Variants in NEGR1 observed in about 807,000 individuals in gnomAD.
NEGR1 encodes the protein IgLON family member 4.
NEGR1 carries 10 observed loss-of-function variants against 40.9 expected under a neutral mutation model. The observed-to-expected ratio is 0.24, with a 90% CI of 0.15 to 0.42. The LOEUF (loss-of-function observed/expected upper bound fraction) is 0.42, where lower values mean the gene tolerates loss of function less well. Ranked by LOEUF, NEGR1 falls within the 10% of genes least tolerant of loss-of-function variation. NEGR1 has a pLI of 1.00. For missense variants in NEGR1, 352 were observed against 438.9 expected (o/e 0.80, Z 1.77); for synonymous variants, 185 against 166.8 (o/e 1.11, Z -0.84).
chr1:72,262,824 T>A (rs551600334), intron 1 of NEGR1, among the ~76,000 whole-genome samples: 1 of 152,084 alleles, frequency 6.6e-6, no homozygotes, highest in Non-Finnish European at 1.5e-5. Flanking sequence ...GAAGATCATG[T>A]TGGTCAGTTA....
At chr1:72,150,723 T>C (rs186169034) in intron 1 of NEGR1, among the ~76,000 whole-genome samples, 70 of 152,290 alleles carry the variant, frequency 4.6e-4, no homozygotes, top group African/African-American at 1.6e-3. Context: ...TGCTGGTGAA[T>C]TTTAGGTTTT....
At chr1:72,238,774 T>C (rs1654642405) in intron 1 of NEGR1, among the ~76,000 whole-genome samples, 1 of 151,886 alleles carries the variant, frequency 6.6e-6, no homozygotes, top group Non-Finnish European at 1.5e-5. Flanking sequence ...TTCATGCTAG[T>C]GCAGTTCAGA....
At chr1:71,730,877 CGTGT>C (rs59873481) in intron 3 of NEGR1, among the ~76,000 whole-genome samples, 9,389 of 129,880 alleles carry the variant, frequency 0.072, 301 homozygotes, top group Middle Eastern at 0.11. Flanking sequence ...GTGAAGCATT[CGTGT>C]GTGTGTGTGT....
At chr1:72,130,308 C>T (rs1006504098) in intron 1 of NEGR1, among the ~76,000 whole-genome samples, 5 of 152,180 alleles carry the variant, frequency 3.3e-5, no homozygotes, top group African/African-American at 1.2e-4. Flanking sequence ...GCCCGAAACA[C>T]TGAAATATCA....
intron 1 of NEGR1, among the ~76,000 whole-genome samples, chr1:71,941,654 G>T (rs1054595258): frequency 1.3e-5 from 2 of 152,130 alleles, no homozygotes; most frequent in Non-Finnish European, 2.9e-5. Context: ...GAGATGATAA[G>T]AATTGTATTT....
At chr1:71,825,876 T>C (rs553505549) in intron 2 of NEGR1, among the ~76,000 whole-genome samples, 1 of 152,102 alleles carries the variant, frequency 6.6e-6, no homozygotes, top group South Asian at 2.1e-4. Context: ...TATTGTGACA[T>C]GTATCCCTTT....
At chr1:71,937,076 G>C (rs1645912833) in intron 1 of NEGR1, among the ~76,000 whole-genome samples, 1 of 152,134 alleles carries the variant, frequency 6.6e-6, no homozygotes, top group African/African-American at 2.4e-5. Flanking sequence ...GCAACAGGGT[G>C]GGCTGCTGTC....
At chr1:71,519,755 AC>A (rs201836876) in intron 6 of NEGR1, among the ~76,000 whole-genome samples, 5,400 of 150,212 alleles carry the variant, frequency 0.036, 290 homozygotes, top group African/African-American at 0.12. Flanking sequence ...TTAAAAAAAA[AC>A]AAAAAAAGAT....
intron 3 of NEGR1, among the ~76,000 whole-genome samples, chr1:71,762,429 G>A (rs901517276): frequency 2.0e-5 from 3 of 152,074 alleles, no homozygotes; most frequent in African/African-American, 7.2e-5. Context: ...CTGTCTGCAA[G>A]AGACTCACTT....
chr1:71,717,391 C>T (rs1654312350), intron 3 of NEGR1, among the ~76,000 whole-genome samples: 1 of 151,994 alleles, frequency 6.6e-6, no homozygotes, highest in Admixed American at 6.6e-5. Context: ...TTCTTTTGTT[C>T]TTAGTATTAC....
At chr1:72,245,362 A>G (rs754279578) in intron 1 of NEGR1, among the ~76,000 whole-genome samples, 1 of 152,110 alleles carries the variant, frequency 6.6e-6, no homozygotes, top group Non-Finnish European at 1.5e-5. Flanking sequence ...CAAAAGATTT[A>G]TAATACTATT....
intron 5 of NEGR1, among the ~76,000 whole-genome samples, chr1:71,593,939 T>C (rs1282703012): frequency 6.6e-6 from 1 of 152,220 alleles, no homozygotes. Flanking sequence ...TATATACAAG[T>C]CTTTTCAAAG....
rs1648047780 is a variant in NEGR1, at chr1:71,550,695, A to C, written c.940+42122T>G. On this transcript the variant is annotated intron_variant, in intron 6 of 6. Coordinates refer to ENST00000357731, the MANE Select transcript of NEGR1 (RefSeq NM_173808.3). ...CTGAGAGTTCCCTCCTAACATCCAC[A>C]TTCTGTTCCTTATCTAAATCACTTA... 1.3e-5 allele frequency among the ~76,000 whole-genome samples: 2 copies of C among 151,570 alleles called. 1 individual carries two copies. The highest frequency in any genetic ancestry group is 4.1e-4 in the South Asian group (2 of 4,824).
At chr1:72,129,381 G>C (rs957010198) in intron 1 of NEGR1, among the ~76,000 whole-genome samples, 4 of 151,952 alleles carry the variant, frequency 2.6e-5, no homozygotes, top group African/African-American at 7.3e-5. Flanking sequence ...ATATAACCTA[G>C]AGCAAAATAA....
At chr1:72,051,329 T>C (rs1394683420) in intron 1 of NEGR1, among the ~76,000 whole-genome samples, 1 of 151,466 alleles carries the variant, frequency 6.6e-6, no homozygotes, top group Non-Finnish European at 1.5e-5. Context: ...GAATCTGGAT[T>C]TCTCCAATAT....
At chr1:72,258,744 A>C in intron 1 of NEGR1, among the ~76,000 whole-genome samples, 1 of 152,162 alleles carries the variant, frequency 6.6e-6, no homozygotes. Context: ...ATTGAAAACT[A>C]ATCTATTTAT....
At chr1:72,119,242 C>A (rs986246626) in intron 1 of NEGR1, among the ~76,000 whole-genome samples, 1 of 151,770 alleles carries the variant, frequency 6.6e-6, no homozygotes, top group Non-Finnish European at 1.5e-5. Flanking sequence ...AATTCATATG[C>A]TAATAGTTGA....
At chr1:72,029,733 T>C (rs1646841331) in intron 1 of NEGR1, among the ~76,000 whole-genome samples, 1 of 152,204 alleles carries the variant, frequency 6.6e-6, no homozygotes, top group African/African-American at 2.4e-5. Context: ...AGAGTAATTC[T>C]AAGGGTAAAT....
intron 1 of NEGR1, among the ~76,000 whole-genome samples, chr1:72,127,582 A>G (rs1650078115): frequency 6.6e-6 from 1 of 151,990 alleles, no homozygotes; most frequent in South Asian, 2.1e-4. Context: ...AATTAAAAGC[A>G]TCTAAAGGTG....
Sources: gnomAD v4.1 joint callset for allele counts (sites outside exome capture counted in the v4.1 genomes callset) on GRCh38, gnomAD v4.1.1 for gene constraint, MANE v1.5 for transcripts, NCBI Gene and HGNC (gene_info 2026-07-23, HGNC 2026-07-21) for gene names.